The following TMCO5A variants were observed in gnomAD, a reference collection of about 807,000 sequenced individuals.
TMCO5A encodes transmembrane and coiled-coil domain-containing protein 5A.
A neutral mutation model predicts 42.3 loss-of-function variants in TMCO5A; 34 were observed. The observed-to-expected ratio is 0.80, with a 90% CI of 0.61 to 1.07. TMCO5A has a LOEUF of 1.07. Ranked by LOEUF, TMCO5A falls within the 50% of genes least tolerant of loss-of-function variation. The pLI, the probability that TMCO5A is intolerant of heterozygous loss-of-function variation, is 0.00. For synonymous variants in TMCO5A, 131 were observed against 115.6 expected, an observed-to-expected ratio of 1.13 and a Z score of -0.86; for missense variants, 357 against 327.9, an observed-to-expected ratio of 1.09 and a Z score of -0.69.
chr15:38,023,476 T>C, the TMCO5A span, among the ~76,000 whole-genome samples: 1 of 152,202 alleles, frequency 6.6e-6, no homozygotes, highest in East Asian at 1.9e-4. Flanking sequence ...TACATGCTGA[T>C]CAGAGATCCA....
chr15:37,975,274 G>A, the TMCO5A span, among the ~76,000 whole-genome samples: 1 of 152,150 alleles, frequency 6.6e-6, no homozygotes, highest in Non-Finnish European at 1.5e-5. Context: ...CAAGTGTTGA[G>A]TTCAGGTCCC....
At chr15:37,980,954 A>G in the TMCO5A span, among the ~76,000 whole-genome samples, 1 of 152,194 alleles carries the variant, frequency 6.6e-6, no homozygotes, top group African/African-American at 2.4e-5. Context: ...TTTCATGAAT[A>G]TTTCATTATT....
the TMCO5A span, among the ~76,000 whole-genome samples, chr15:38,007,109 C>A: frequency 6.6e-6 from 1 of 152,146 alleles, no homozygotes; most frequent in Admixed American, 6.5e-5. Context: ...CATAACTATT[C>A]TTAGCTTGTG....
At chr15:37,976,022 T>A in the TMCO5A span, among the ~76,000 whole-genome samples, 2 of 150,884 alleles carry the variant, frequency 1.3e-5, 1 homozygote, top group African/African-American at 5.0e-5. Flanking sequence ...GGTGGGTGGA[T>A]CACCTGAGGT....
the TMCO5A span, chr15:38,004,626 A>T: frequency 6.6e-6 from 1 of 152,258 alleles, no homozygotes; most frequent in Non-Finnish European, 1.5e-5. Context: ...GTGGGTGCCA[A>T]CTGAGTTCTG....
At chr15:37,961,905 C>A (rs1187822173) in intron 11 of TMCO5A, among the ~76,000 whole-genome samples, 1 of 152,178 alleles carries the variant, frequency 6.6e-6, no homozygotes, top group East Asian at 1.9e-4. Flanking sequence ...GGAAACTTTG[C>A]TGAATTCTTC....
Position 37,951,292 on chromosome 15 carries a change from G to A in TMCO5A, c.*58G>A, listed in dbSNP as rs1890150874. On this transcript the variant is annotated 3_prime_UTR_variant, in exon 12 of 12. Coordinates refer to ENST00000319669, the MANE Select transcript of TMCO5A (RefSeq NM_152453.4). ...GAAGTGGGATCCGAGCCTGTAGAAG[G>A]GAGGCATGAAACTTGTGGAGGAAAG... 1.9e-6 allele frequency: 3 copies of A among 1,539,186 alleles called. No homozygotes were observed. Among genetic ancestry groups the A allele is most frequent in the African/African-American group, 1.4e-5 (1 of 72,998 alleles).
At chr15:37,979,151 T>C in the TMCO5A span, among the ~76,000 whole-genome samples, 5 of 152,078 alleles carry the variant, frequency 3.3e-5, no homozygotes, top group Non-Finnish European at 7.4e-5. Flanking sequence ...ATCTTAATTA[T>C]GTCAAAGGCC....
At chr15:37,953,595 A>G (rs1290534358), downstream of TMCO5A, among the ~76,000 whole-genome samples, 1 of 152,076 alleles carries the variant, frequency 6.6e-6, no homozygotes, top group Non-Finnish European at 1.5e-5. Context: ...CCCAAGTAGA[A>G]TGGGTACAAA....
the TMCO5A span, among the ~76,000 whole-genome samples, chr15:37,985,054 GA>G: frequency 8.6e-3 from 1,209 of 141,026 alleles, 19 homozygotes; most frequent in African/African-American, 0.025. Flanking sequence ...AATGTTCAGG[GA>G]AAAAAAAAAA....
the TMCO5A span, among the ~76,000 whole-genome samples, chr15:37,978,079 G>A: frequency 8.5e-5 from 13 of 152,168 alleles, no homozygotes; most frequent in African/African-American, 3.1e-4. Context: ...TTGCCTCTGG[G>A]AGCCCCACTC....
chr15:38,002,339 A>G, the TMCO5A span, among the ~76,000 whole-genome samples: 12 of 150,296 alleles, frequency 8.0e-5, no homozygotes, highest in South Asian at 4.2e-4. Context: ...TTGGTGTTCT[A>G]TCACCTTCTT....
chr15:37,984,093 C>T, the TMCO5A span, among the ~76,000 whole-genome samples: 1 of 152,284 alleles, frequency 6.6e-6, no homozygotes, highest in East Asian at 1.9e-4. Flanking sequence ...CTAAGTGTTG[C>T]TTCTGGGGAA....
At chr15:37,936,766 C>A (rs1357740108) in intron 3 of TMCO5A, 81 bp from the exon 4 acceptor site, 22 of 1,573,446 alleles carry the variant, frequency 1.4e-5, no homozygotes, top group Non-Finnish European at 1.8e-5. Context: ...CCCTGAAGTT[C>A]CCTTATATCT....
the TMCO5A span, among the ~76,000 whole-genome samples, chr15:37,984,369 A>C: frequency 6.6e-6 from 1 of 152,186 alleles, no homozygotes. Context: ...AGACTCTGAA[A>C]TCTAAGTTGG....
the TMCO5A span, among the ~76,000 whole-genome samples, chr15:38,028,770 G>A: frequency 1.3e-5 from 2 of 152,298 alleles, no homozygotes; most frequent in East Asian, 1.9e-4. Context: ...GTAGTGGGCA[G>A]AGGACAGGGT....
chr15:37,963,365 G>C (rs183127013), intron 11 of TMCO5A, among the ~76,000 whole-genome samples: 1 of 152,118 alleles, frequency 6.6e-6, no homozygotes, highest in African/African-American at 2.4e-5. Context: ...TGGTTTTGAA[G>C]GTTCCTTTTG....
At chr15:38,015,650 C>T in the TMCO5A span, among the ~76,000 whole-genome samples, 2 of 152,152 alleles carry the variant, frequency 1.3e-5, no homozygotes, top group Admixed American at 1.3e-4. Flanking sequence ...TTGGAAGCAA[C>T]CAAGATGGCG....
chr15:37,968,876 C>A (rs555174451), downstream of TMCO5A, among the ~76,000 whole-genome samples: 1 of 152,092 alleles, frequency 6.6e-6, no homozygotes, highest in South Asian at 2.1e-4. Flanking sequence ...CCACCGCACC[C>A]GGCCTACTTC....
Sources: allele counts gnomAD v4.1 joint callset (sites outside exome capture counted in the v4.1 genomes callset), GRCh38; gene constraint gnomAD v4.1.1; transcripts MANE v1.5; gene names NCBI Gene and HGNC (gene_info 2026-07-23, HGNC 2026-07-21).